The following NBEA variants were observed in gnomAD, a reference collection of about 807,000 sequenced individuals.
NBEA encodes neurobeachin, also known as lysosomal-trafficking regulator 2.
NBEA carries 44 observed loss-of-function variants against 343.4 expected under a neutral mutation model. The ratio of observed to expected loss-of-function variants is 0.13; its 90% confidence interval spans 0.10 to 0.16. The LOEUF is 0.16. NBEA is among the 10% of genes least tolerant of loss of function. The pLI, the probability that NBEA is intolerant of heterozygous loss-of-function variation, is 1.00. For synonymous variants in NBEA, 1,175 were observed against 1,238.7 expected (o/e 0.95, Z 1.08); for missense variants, 2,555 against 3,631.3 (o/e 0.70, Z 7.62).
intron 10 of NBEA, among the ~76,000 whole-genome samples, chr13:35,080,446 G>A (rs1164372783): frequency 6.6e-6 from 1 of 152,126 alleles, no homozygotes. Context: ...TGACAAAGAG[G>A]TTATGAGCAA....
intron 31 of NBEA, among the ~76,000 whole-genome samples, chr13:35,205,396 T>A (rs1447337111): frequency 6.6e-6 from 1 of 152,154 alleles, no homozygotes; most frequent in Admixed American, 6.6e-5. Context: ...TTCTTGTTGG[T>A]CCTAATTTGG....
At chr13:35,266,998 A>G (rs951481733) in intron 34 of NBEA, among the ~76,000 whole-genome samples, 2 of 151,982 alleles carry the variant, frequency 1.3e-5, no homozygotes, top group Non-Finnish European at 2.9e-5. Context: ...GAGAAAAGGA[A>G]ATGTTATTAA....
At chr13:35,504,814 G>C (rs971340025) in intron 41 of NBEA, among the ~76,000 whole-genome samples, 8 of 151,948 alleles carry the variant, frequency 5.3e-5, no homozygotes, top group African/African-American at 1.9e-4. Context: ...TTACTATGTT[G>C]TCCAGGCTAG....
chr13:34,999,408 A>C (rs1417431649), intron 1 of NBEA, among the ~76,000 whole-genome samples: 1 of 152,000 alleles, frequency 6.6e-6, no homozygotes, highest in Admixed American at 6.6e-5. Flanking sequence ...CCCTTACCTG[A>C]AATCTAAGTG....
At chr13:35,435,699 A>T (rs74054540) in intron 39 of NBEA, among the ~76,000 whole-genome samples, 5,488 of 152,236 alleles carry the variant, frequency 0.036, 313 homozygotes, top group African/African-American at 0.12. Flanking sequence ...GAATTAAAAG[A>T]AAAAGCAATT....
intron 38 of NBEA, among the ~76,000 whole-genome samples, chr13:35,369,258 T>A (rs754761368): frequency 2.0e-5 from 3 of 151,472 alleles, no homozygotes; most frequent in Non-Finnish European, 4.4e-5. Flanking sequence ...TCCTATTCTG[T>A]TCCATTGGTC....
At chr13:35,366,446 A>G (rs960803659) in intron 38 of NBEA, among the ~76,000 whole-genome samples, 1 of 151,342 alleles carries the variant, frequency 6.6e-6, no homozygotes, top group Admixed American at 6.6e-5. Context: ...TAATATGCAT[A>G]TTATGACTGG....
intron 8 of NBEA, among the ~76,000 whole-genome samples, chr13:35,063,760 T>G (rs1372036857): frequency 2.0e-5 from 3 of 152,060 alleles, no homozygotes; most frequent in African/African-American, 7.2e-5. Flanking sequence ...GAAAGAGCTC[T>G]GGAAAGTATT....
At chr13:35,457,225 A>G (rs902744655) in intron 40 of NBEA, among the ~76,000 whole-genome samples, 3 of 151,928 alleles carry the variant, frequency 2.0e-5, no homozygotes, top group African/African-American at 7.2e-5. Flanking sequence ...CAGTCATATC[A>G]TCTCCATAAT....
chr13:35,538,631 G>A (rs9530688), intron 41 of NBEA, among the ~76,000 whole-genome samples: 12,548 of 152,228 alleles, frequency 0.082, 787 homozygotes, highest in East Asian at 0.31. Context: ...TACCATGCTG[G>A]GTTTTGATTA....
At chr13:35,093,129 A>C (rs1387700730) in intron 10 of NBEA, among the ~76,000 whole-genome samples, 5 of 152,034 alleles carry the variant, frequency 3.3e-5, no homozygotes, top group Non-Finnish European at 1.5e-5. Flanking sequence ...TTGAAAAGTA[A>C]AAATATGTAG....
intron 17 of NBEA, among the ~76,000 whole-genome samples, chr13:35,124,177 G>A (rs1372574282): frequency 2.0e-5 from 3 of 151,228 alleles, no homozygotes; most frequent in South Asian, 4.2e-4. Flanking sequence ...CCTTACAAAT[G>A]AAGCCAAGGA....
In NBEA at chr13:35,005,216, ATT is replaced by A. The variant is rs36067182; in HGVS notation, c.295-35703_295-35702del. Among the ~76,000 whole-genome samples the A allele has an allele frequency of 3.4e-5, 5 of 145,330 alleles. No homozygotes were observed. In the South Asian group the frequency reaches 6.6e-4, roughly 19 times the overall value. ...CAGACATACGTTTGGCACAGGGCAG[ATT>A]TTTTTTTTTTTTTCTGACCATGATA... On this transcript the variant is annotated intron_variant, in intron 1 of 58. Coordinates refer to ENST00000379939, the MANE Select transcript of NBEA (RefSeq NM_001385012.1).
At chr13:35,462,088 T>C (rs752054003) in intron 40 of NBEA, among the ~76,000 whole-genome samples, 13 of 152,212 alleles carry the variant, frequency 8.5e-5, no homozygotes, top group Non-Finnish European at 1.9e-4. Context: ...GTTGGACCCT[T>C]ATTCTCTGAT....
intron 48 of NBEA, among the ~76,000 whole-genome samples, 196 bp downstream of exon 48, chr13:35,606,774 G>A (rs552537280): frequency 2.7e-4 from 41 of 152,154 alleles, no homozygotes; most frequent in African/African-American, 7.9e-4. Context: ...TGGATTTTCC[G>A]TTCATGAGGA....
At chr13:35,608,022 CT>C (rs1248541159) in intron 48 of NBEA, among the ~76,000 whole-genome samples, 1 of 152,134 alleles carries the variant, frequency 6.6e-6, no homozygotes, top group East Asian at 1.9e-4. Flanking sequence ...TTTTCTGTCA[CT>C]TTTCTTTTGG....
intron 38 of NBEA, among the ~76,000 whole-genome samples, chr13:35,424,855 A>G (rs2044548982): frequency 6.6e-6 from 1 of 152,130 alleles, no homozygotes; most frequent in South Asian, 2.1e-4. Context: ...TCAGAGATTC[A>G]ACTTCTTCCT....
chr13:35,272,832 A>T (rs2034273724), intron 34 of NBEA, among the ~76,000 whole-genome samples: 1 of 152,218 alleles, frequency 6.6e-6, no homozygotes, highest in African/African-American at 2.4e-5. Flanking sequence ...TGCCCAATAT[A>T]GGAGCACCCA....
intron 1 of NBEA, among the ~76,000 whole-genome samples, chr13:34,947,970 A>G (rs567025808): frequency 1.3e-5 from 2 of 152,376 alleles, no homozygotes; most frequent in East Asian, 3.9e-4. Flanking sequence ...AGTAAGTTCG[A>G]ATCTGGTAAA....
Sources: allele counts gnomAD v4.1 joint callset (sites outside exome capture counted in the v4.1 genomes callset), GRCh38; gene constraint gnomAD v4.1.1; transcripts MANE v1.5; gene names NCBI Gene and HGNC (gene_info 2026-07-23, HGNC 2026-07-21).